Variants in SYN2 observed in about 807,000 individuals in gnomAD.
SYN2 encodes synapsin II.
SYN2 carries 19 observed loss-of-function variants against 50.9 expected under a neutral mutation model. The ratio of observed to expected loss-of-function variants is 0.37; its 90% CI spans 0.26 to 0.55. SYN2 has a LOEUF of 0.55. Among genes scored for constraint, SYN2 ranks in the 20% least tolerant of loss-of-function variants. The pLI is 0.81. For missense variants in SYN2, 587 were observed against 576.4 expected (o/e 1.02, Z -0.19); for synonymous variants, 255 against 224.9 (o/e 1.13, Z -1.20).
intron 5 of SYN2, chr3:12,153,179 C>T: frequency 2.5e-6 from 1 of 392,692 alleles, no homozygotes; most frequent in Non-Finnish European, 4.8e-6. Context: ...CGCCATTTCT[C>T]CCCTACCAGA....
At chr3:12,063,636 C>T (rs961920429) in intron 1 of SYN2, among the ~76,000 whole-genome samples, 2 of 151,762 alleles carry the variant, frequency 1.3e-5, no homozygotes, top group Admixed American at 1.3e-4. Context: ...TTAATATAGG[C>T]ACATACAGTT....
At chr3:12,127,963 T>TC (rs398051581) in intron 1 of SYN2, among the ~76,000 whole-genome samples, 1 of 152,118 alleles carries the variant, frequency 6.6e-6, no homozygotes, top group East Asian at 1.9e-4. Flanking sequence ...ATTTTTTTTT[T>TC]CAGACAGCAT....
intron 1 of SYN2, among the ~76,000 whole-genome samples, chr3:12,112,932 A>G (rs1696355750): frequency 6.6e-6 from 1 of 152,172 alleles, no homozygotes; most frequent in African/African-American, 2.4e-5. Flanking sequence ...CATGGGCTGT[A>G]AAGACCAGGG....
chr3:12,072,753 G>A (rs1559408895), intron 1 of SYN2, among the ~76,000 whole-genome samples: 1 of 152,050 alleles, frequency 6.6e-6, no homozygotes, highest in South Asian at 2.1e-4. Flanking sequence ...CATTATCTTT[G>A]TGAAGATATT....
intron 1 of SYN2, among the ~76,000 whole-genome samples, chr3:12,081,628 A>C (rs1223095060): frequency 1.3e-5 from 2 of 152,174 alleles, no homozygotes; most frequent in African/African-American, 2.4e-5. Flanking sequence ...TGAACTGATG[A>C]TTTCTAACAG....
intron 1 of SYN2, among the ~76,000 whole-genome samples, chr3:12,134,037 TGC>T (rs1696843566): frequency 6.6e-6 from 1 of 152,194 alleles, no homozygotes; most frequent in African/African-American, 2.4e-5. Flanking sequence ...TGGTGGTGGT[TGC>T]ACGACATTGT....
At chr3:12,182,502 G>A (rs1045544231) in intron 10 of SYN2, among the ~76,000 whole-genome samples, 9 of 152,186 alleles carry the variant, frequency 5.9e-5, no homozygotes, top group Non-Finnish European at 1.0e-4. Flanking sequence ...AATCACGGCT[G>A]GGAGAGGGAG....
intron 1 of SYN2, among the ~76,000 whole-genome samples, chr3:12,081,580 T>C (rs1695587848): frequency 6.6e-6 from 1 of 152,172 alleles, no homozygotes; most frequent in Admixed American, 6.6e-5. Flanking sequence ...CCAAATAATA[T>C]GTTTTGTATG....
At chr3:12,085,195 G>A (rs535291219) in intron 1 of SYN2, among the ~76,000 whole-genome samples, 4 of 151,498 alleles carry the variant, frequency 2.6e-5, no homozygotes, top group South Asian at 2.1e-4. Flanking sequence ...GATGGGAAAA[G>A]ATATGCCATG....
At chr3:12,161,183 A>G (rs1368946540) in intron 5 of SYN2, among the ~76,000 whole-genome samples, 1 of 152,266 alleles carries the variant, frequency 6.6e-6, no homozygotes, top group Non-Finnish European at 1.5e-5. Flanking sequence ...GGTTTATTAA[A>G]GTACATCTAC....
chr3:12,116,982 C>G (rs2125199190), intron 1 of SYN2, among the ~76,000 whole-genome samples: 1 of 152,202 alleles, frequency 6.6e-6, no homozygotes, highest in African/African-American at 2.4e-5. Context: ...AACTCCTCAG[C>G]TTAAGCAATC....
At chr3:12,177,149 C>A (rs769402101) in intron 10 of SYN2, among the ~76,000 whole-genome samples, 1 of 152,166 alleles carries the variant, frequency 6.6e-6, no homozygotes, top group South Asian at 2.1e-4. Context: ...TTCTACCAGT[C>A]CTTTTTTGTA....
chr3:12,104,857 C>T (rs566311613), intron 1 of SYN2, among the ~76,000 whole-genome samples: 2 of 152,128 alleles, frequency 1.3e-5, no homozygotes, highest in African/African-American at 4.8e-5. Context: ...GCGTGAGCCA[C>T]CGCACCTGGC....
At chr3:12,042,543 TAGG>T (rs1273668771) in intron 1 of SYN2, among the ~76,000 whole-genome samples, 4 of 152,236 alleles carry the variant, frequency 2.6e-5, no homozygotes, top group African/African-American at 9.6e-5. Flanking sequence ...TAGACAGTTA[TAGG>T]AGACCTGAGA....
At chr3:12,072,025 A>T (rs1222932268) in intron 1 of SYN2, among the ~76,000 whole-genome samples, 3 of 152,180 alleles carry the variant, frequency 2.0e-5, no homozygotes, top group Admixed American at 1.3e-4. Context: ...TTCTACTGTT[A>T]TGTGAGAACA....
intron 1 of SYN2, among the ~76,000 whole-genome samples, chr3:12,051,805 A>G (rs1206492074): frequency 6.6e-6 from 1 of 152,184 alleles, no homozygotes; most frequent in East Asian, 1.9e-4. Flanking sequence ...CATCTGCTTC[A>G]AGGCCTTGTG....
chr3:12,148,886 C>T (rs1697214948), intron 4 of SYN2, among the ~76,000 whole-genome samples: 1 of 152,202 alleles, frequency 6.6e-6, no homozygotes. Flanking sequence ...ACAGCACCCC[C>T]AGCTCCCAAA....
chr3:12,147,186 G>A (rs1450059941), intron 4 of SYN2, among the ~76,000 whole-genome samples: 2 of 152,054 alleles, frequency 1.3e-5, no homozygotes, highest in African/African-American at 4.8e-5. Flanking sequence ...GAGCTGAAGA[G>A]GGGTGTGTGT....
chr3:12,080,915 G>A (rs1695574169), intron 1 of SYN2, among the ~76,000 whole-genome samples: 4 of 151,946 alleles, frequency 2.6e-5, no homozygotes, highest in Admixed American at 2.6e-4. Flanking sequence ...ATTTTTTAGG[G>A]TACTTGCTGT....
Sources: gnomAD v4.1 joint callset for allele counts (sites outside exome capture counted in the v4.1 genomes callset) on GRCh38, gnomAD v4.1.1 for gene constraint, MANE v1.5 for transcripts, NCBI Gene and HGNC (gene_info 2026-07-23, HGNC 2026-07-21) for gene names.